ZZZ3: variants seen among roughly 807,000 people sequenced by gnomAD.
ZZZ3 encodes zinc finger ZZ-type containing 3, also known as ZZ-type zinc finger-containing protein 3.
ZZZ3 carries 22 observed loss-of-function variants against 95.2 expected under a neutral mutation model. The ratio of observed to expected loss-of-function variants is 0.23; its 90% CI spans 0.17 to 0.33. The LOEUF (loss-of-function observed/expected upper bound fraction) is 0.33, where lower values mean the gene tolerates loss of function less well. ZZZ3 is among the 10% of genes least tolerant of loss of function. The probability of loss-of-function intolerance (pLI) is 1.00; values close to 1 mark genes in which losing one functional copy is unlikely to be tolerated. For missense variants in ZZZ3, 885 were observed against 1,066.5 expected (o/e 0.83, Z 2.37); for synonymous variants, 335 against 358.9 (o/e 0.93, Z 0.75).
At chr1:77,620,366 A>G (rs1164316267) in intron 5 of ZZZ3, among the ~76,000 whole-genome samples, 1 of 152,170 alleles carries the variant, frequency 6.6e-6, no homozygotes, top group Non-Finnish European at 1.5e-5. Context: ...CAGCTACAGT[A>G]TAAGAATTCA....
chr1:77,601,745 C>T (rs1167271980), intron 5 of ZZZ3, among the ~76,000 whole-genome samples: 1 of 152,158 alleles, frequency 6.6e-6, no homozygotes, highest in Non-Finnish European at 1.5e-5. Context: ...AGATACTATG[C>T]TAAGCCCTTT....
chr1:77,661,684 CCATATCAGATT>C (rs1311132468), intron 1 of ZZZ3, among the ~76,000 whole-genome samples: 2 of 152,132 alleles, frequency 1.3e-5, no homozygotes, highest in African/African-American at 4.8e-5. Context: ...AATTATCATT[CCATATCAGATT>C]ATGGAATGTC....
At chr1:77,615,492 G>A (rs988963724) in intron 5 of ZZZ3, among the ~76,000 whole-genome samples, 11 of 152,164 alleles carry the variant, frequency 7.2e-5, no homozygotes, top group Non-Finnish European at 1.6e-4. Flanking sequence ...GCTATATGGT[G>A]CGTATGCAAA....
intron 5 of ZZZ3, among the ~76,000 whole-genome samples, chr1:77,618,123 CA>C (rs1666492557): frequency 6.6e-6 from 1 of 151,940 alleles, no homozygotes; most frequent in African/African-American, 2.4e-5. Context: ...CAATTTTACC[CA>C]AAAAGCTAAA....
intron 9 of ZZZ3, 95 bp downstream of exon 9, chr1:77,580,903 G>C: frequency 9.5e-7 from 1 of 1,051,256 alleles, no homozygotes; most frequent in Non-Finnish European, 1.5e-6. Context: ...TGGGATTACA[G>C]GCGTGAGCCA....
rs553484967 is a variant in ZZZ3, at chr1:77,679,725, C to T, written c.-403+2860G>A. ...CTGATCACTGAAGTTCATTAGCTCT[C>T]ATCATTTATATGACCGTAATAATTG... On this transcript the variant is annotated intron_variant, in intron 1 of 14. Transcript: ENST00000370801. Among the ~76,000 whole-genome samples, 338 of 152,290 alleles carry T rather than the reference C, an allele frequency of 2.2e-3. 1 individual carries two copies. The highest frequency in any genetic ancestry group is 6.8e-3 in the Middle Eastern group (2 of 294).
At chr1:77,591,342 C>CAGA (rs1341315856) in intron 5 of ZZZ3, among the ~76,000 whole-genome samples, 2 of 152,092 alleles carry the variant, frequency 1.3e-5, no homozygotes, top group Non-Finnish European at 2.9e-5. Flanking sequence ...CTCTCCTTCT[C>CAGA]CCTCTTCGTT....
At chr1:77,671,117 A>G (rs573364915) in intron 1 of ZZZ3, among the ~76,000 whole-genome samples, 1 of 152,044 alleles carries the variant, frequency 6.6e-6, no homozygotes, top group African/African-American at 2.4e-5. Context: ...TGACCCTTGT[A>G]GCCAAGAATA....
chr1:77,593,221 T>C (rs1026821547), intron 5 of ZZZ3, among the ~76,000 whole-genome samples: 1 of 152,184 alleles, frequency 6.6e-6, no homozygotes, highest in Admixed American at 6.5e-5. Flanking sequence ...ATTAGTAAAG[T>C]TGAAGATGTA....
At chr1:77,566,668 G>C (rs1396120586) in intron 13 of ZZZ3, among the ~76,000 whole-genome samples, 3 of 152,098 alleles carry the variant, frequency 2.0e-5, no homozygotes, top group Non-Finnish European at 1.5e-5. Flanking sequence ...AGGTTCTCTT[G>C]GCTAACATAA....
chr1:77,567,650 G>A (rs1660956828), intron 13 of ZZZ3, among the ~76,000 whole-genome samples: 1 of 152,146 alleles, frequency 6.6e-6, no homozygotes, highest in African/African-American at 2.4e-5. Flanking sequence ...AATTCCTTAT[G>A]AGAATGAAAA....
At chr1:77,581,602 G>T (rs1662537580) in intron 8 of ZZZ3, among the ~76,000 whole-genome samples, 174 bp downstream of exon 8, 1 of 152,168 alleles carries the variant, frequency 6.6e-6, no homozygotes, top group Non-Finnish European at 1.5e-5. Flanking sequence ...ATGTCTGAAG[G>T]TTCACGGCTA....
chr1:77,655,300 C>T (rs1406828820), intron 1 of ZZZ3, among the ~76,000 whole-genome samples: 3 of 152,088 alleles, frequency 2.0e-5, no homozygotes, highest in African/African-American at 7.2e-5. Flanking sequence ...GACATTCAAA[C>T]CATAGCATAT....
intron 5 of ZZZ3, among the ~76,000 whole-genome samples, chr1:77,612,363 A>G (rs1050665095): frequency 3.3e-5 from 5 of 152,038 alleles, no homozygotes; most frequent in East Asian, 3.8e-4. Context: ...TGATACAACC[A>G]TTATACCAAA....
Position 77,565,360 on chromosome 1 carries a change from G to A in ZZZ3, c.*280C>T. Reference sequence around the variant, plus strand: ...TTGGAATTTACTCTCTCTTTAATGTGTGCTCTCGTTCCATCTCACCCATTT... The same window carrying A: ...TTGGAATTTACTCTCTCTTTAATGTATGCTCTCGTTCCATCTCACCCATTT... On this transcript the variant is annotated 3_prime_UTR_variant, in exon 15 of 15. Transcript: ENST00000370801. 3.3e-6 allele frequency: 1 copy of A among 306,708 alleles called. No homozygotes were observed. The allele number at this position is 306,708 out of a possible 1,614,324, so 19.0% of individuals were successfully genotyped here.
chr1:77,657,601 T>C (rs943624826), intron 1 of ZZZ3, among the ~76,000 whole-genome samples: 1 of 152,170 alleles, frequency 6.6e-6, no homozygotes, highest in South Asian at 2.1e-4. Flanking sequence ...GCCAGACATA[T>C]TGATTTGGGG....
At chr1:77,600,337 A>G (rs544299999) in intron 5 of ZZZ3, among the ~76,000 whole-genome samples, 3 of 152,262 alleles carry the variant, frequency 2.0e-5, no homozygotes, top group African/African-American at 7.2e-5. Flanking sequence ...TCACCCATTT[A>G]TTCATTAATT....
At chr1:77,620,519 A>G (rs904170430) in intron 5 of ZZZ3, among the ~76,000 whole-genome samples, 2 of 151,038 alleles carry the variant, frequency 1.3e-5, no homozygotes, top group Non-Finnish European at 3.0e-5. Context: ...GGAAGGAAGG[A>G]AGGAAGGAAG....
At chr1:77,669,518 G>A (rs1176451622) in intron 1 of ZZZ3, among the ~76,000 whole-genome samples, 1 of 147,436 alleles carries the variant, frequency 6.8e-6, no homozygotes, top group African/African-American at 2.5e-5. Flanking sequence ...GTGAACAGGC[G>A]CAATCTCAGC....
Sources: gnomAD v4.1 joint callset for allele counts (sites outside exome capture counted in the v4.1 genomes callset) on GRCh38, gnomAD v4.1.1 for gene constraint, MANE v1.5 for transcripts, NCBI Gene and HGNC (gene_info 2026-07-23, HGNC 2026-07-21) for gene names.